Variants in PCSK5 observed in about 807,000 individuals in gnomAD.
The protein encoded by PCSK5 is proprotein convertase subtilisin/kexin type 5.
A neutral mutation model predicts 233.2 loss-of-function variants in PCSK5; 129 were observed. That is an observed-to-expected ratio of 0.55 (90% CI 0.48 to 0.64). The LOEUF (loss-of-function observed/expected upper bound fraction) is 0.64, where lower values mean the gene tolerates loss of function less well. PCSK5 is among the 30% of genes least tolerant of loss of function. PCSK5 has a pLI of 0.00. For synonymous variants in PCSK5, 825 were observed against 879.2 expected, an observed-to-expected ratio of 0.94 and a Z score of 1.09; for missense variants, 2,076 against 2,430.1, an observed-to-expected ratio of 0.85 and a Z score of 3.06.
intron 5 of PCSK5, among the ~76,000 whole-genome samples, chr9:76,060,461 C>T (rs1829987045): frequency 6.6e-6 from 1 of 151,934 alleles, no homozygotes; most frequent in African/African-American, 2.4e-5. Flanking sequence ...ATTGAATAGG[C>T]TGAGGAGGAA....
intron 3 of PCSK5, among the ~76,000 whole-genome samples, chr9:75,994,414 T>C (rs1460496905): frequency 3.7e-4 from 3 of 8,052 alleles, no homozygotes; most frequent in African/African-American, 5.6e-4. Context: ...TTTTTTTTTT[T>C]TTTTTTTTTT....
At chr9:75,915,803 AGTGATTCTTTTG>A (rs1348865940) in intron 1 of PCSK5, among the ~76,000 whole-genome samples, 36 of 152,218 alleles carry the variant, frequency 2.4e-4, no homozygotes, top group Non-Finnish European at 4.4e-5. Context: ...GAAATGTTGC[AGTGATTCTTTTG>A]GTAAAACACT....
At chr9:76,275,544 C>T (rs942033702) in intron 24 of PCSK5, among the ~76,000 whole-genome samples, 1 of 152,176 alleles carries the variant, frequency 6.6e-6, no homozygotes, top group Non-Finnish European at 1.5e-5. Flanking sequence ...CCTGCCTCAG[C>T]CTCCTAAGTA....
intron 33 of PCSK5, among the ~76,000 whole-genome samples, chr9:76,328,740 C>T (rs1388278312): frequency 6.6e-6 from 1 of 152,122 alleles, no homozygotes; most frequent in East Asian, 1.9e-4. Flanking sequence ...ATCCATATTA[C>T]AATTTTCTCA....
At chr9:76,235,799 C>G (rs986178912) in intron 22 of PCSK5, among the ~76,000 whole-genome samples, 2 of 152,188 alleles carry the variant, frequency 1.3e-5, no homozygotes, top group Non-Finnish European at 1.5e-5. Context: ...GTAGCTCTGC[C>G]TCCTTGAGAG....
chr9:76,266,259 A>T (rs1827328450), intron 24 of PCSK5, among the ~76,000 whole-genome samples: 1 of 152,214 alleles, frequency 6.6e-6, no homozygotes, highest in Non-Finnish European at 1.5e-5. Flanking sequence ...TAGGCTATAT[A>T]TCTCTTCAAA....
intron 35 of PCSK5, among the ~76,000 whole-genome samples, chr9:76,339,695 C>T (rs1460808345): frequency 6.6e-6 from 1 of 152,116 alleles, no homozygotes; most frequent in Non-Finnish European, 1.5e-5. Flanking sequence ...CAGACGTGCA[C>T]CACCACGCCT....
chr9:76,358,684 T>C lies in PCSK5; in HGVS notation c.5426T>C (p.Leu1809Pro), dbSNP rs755395582. 3 of 1,612,814 alleles carry C rather than the reference T, an allele frequency of 1.9e-6. No homozygotes were observed. The highest frequency in any genetic ancestry group is 1.7e-6 in the Non-Finnish European group (2 of 1,179,878). ...GCAGCAAAGGCCGGCTATGAAAAAC[T>C]GGCCGACCCCAACAAGTCTTACTCC... ...QPAAKAGYEK[L>P]ADPNKSYSSY... The change falls in exon 38 of 38, where the codon CTG becomes CCG. Residue 1809 changes from leucine (L) to proline (P), a missense_variant. Around this residue, in one of 6 missense-constraint regions of PCSK5, gnomAD observed 1,510 missense variants for 1,538.1 expected, o/e 0.98. Coordinates refer to ENST00000674117, the MANE Select transcript of PCSK5 (RefSeq NM_001372043.1).
chr9:76,169,984 T>C, intron 13 of PCSK5, 144 bp downstream of exon 13: 1 of 662,830 alleles, frequency 1.5e-6, no homozygotes, highest in Non-Finnish European at 2.7e-6. Flanking sequence ...CTGCATGTAT[T>C]TCAGTTCTCA....
chr9:75,959,490 A>G (rs1040712629), intron 2 of PCSK5, among the ~76,000 whole-genome samples: 2 of 152,172 alleles, frequency 1.3e-5, no homozygotes, highest in African/African-American at 2.4e-5. Context: ...ACAGGATGTC[A>G]TGCTCTTACT....
intron 24 of PCSK5, among the ~76,000 whole-genome samples, chr9:76,272,392 C>T (rs1827542267): frequency 6.6e-6 from 1 of 152,146 alleles, no homozygotes; most frequent in African/African-American, 2.4e-5. Flanking sequence ...TCCACTCTCT[C>T]CTCTAATAAT....
intron 1 of PCSK5, among the ~76,000 whole-genome samples, chr9:75,909,330 A>C (rs113740945): frequency 0.058 from 8,822 of 151,842 alleles, 387 homozygotes; most frequent in African/African-American, 0.11. Context: ...CATCTCAAAA[A>C]AAAAAAGATA....
rs147727149 is a variant in PCSK5, at chr9:76,135,431, T to C, written c.1312+1219T>C. On this transcript the variant is annotated intron_variant, in intron 10 of 37. Coordinates refer to ENST00000674117, the MANE Select transcript of PCSK5 (RefSeq NM_001372043.1). The stretch of plus-strand genomic sequence containing the variant: ...TCACTCTATTTTTAGGAAAAGAATA[T>C]TTCTCTGCTTTGAAGTATTATCAAA... Among the ~76,000 whole-genome samples, 69 of 152,222 alleles carry C rather than the reference T, an allele frequency of 4.5e-4. 1 individual carries two copies. In the East Asian group the frequency reaches 0.012, roughly 26 times the overall value.
At chr9:75,979,940 A>G (rs1217183367) in intron 2 of PCSK5, among the ~76,000 whole-genome samples, 1 of 152,240 alleles carries the variant, frequency 6.6e-6, no homozygotes, top group African/African-American at 2.4e-5. Context: ...AGTGCCTCCC[A>G]CATAGGAGCT....
intron 30 of PCSK5, among the ~76,000 whole-genome samples, chr9:76,314,034 T>C (rs1400947083): frequency 6.6e-6 from 1 of 152,244 alleles, no homozygotes; most frequent in Non-Finnish European, 1.5e-5. Flanking sequence ...TCATTATTAT[T>C]GCCTTATTTA....
intron 35 of PCSK5, among the ~76,000 whole-genome samples, chr9:76,350,054 G>A (rs1300967361): frequency 1.3e-5 from 2 of 151,180 alleles, no homozygotes; most frequent in African/African-American, 2.4e-5. Flanking sequence ...GAGACAAGAG[G>A]ATCCCTTGAG....
intron 2 of PCSK5, among the ~76,000 whole-genome samples, chr9:75,960,608 G>C (rs10465170): frequency 0.45 from 67,749 of 152,064 alleles, 15,244 homozygotes; most frequent in Admixed American, 0.51. Flanking sequence ...TACTATAAAG[G>C]CCAGTTTACA....
chr9:76,026,282 A>G (rs911416928), intron 4 of PCSK5, among the ~76,000 whole-genome samples: 1 of 152,190 alleles, frequency 6.6e-6, no homozygotes. Context: ...CTGTTTCCTC[A>G]TTTTGAAATC....
chr9:76,291,289 ATAGAT>A (rs1828269147), intron 24 of PCSK5, among the ~76,000 whole-genome samples: 1 of 152,232 alleles, frequency 6.6e-6, no homozygotes, highest in Non-Finnish European at 1.5e-5. Flanking sequence ...AGAGGGCAGA[ATAGAT>A]TAGAAAGGAA....
Sources: gnomAD v4.1 joint callset for allele counts (sites outside exome capture counted in the v4.1 genomes callset) on GRCh38, gnomAD v4.1.1 for gene constraint, gnomAD v4.1.1 regional missense constraint, MANE v1.5 for transcripts, NCBI Gene and HGNC (gene_info 2026-07-23, HGNC 2026-07-21) for gene names.